SFI1: variants seen among roughly 807,000 people sequenced by gnomAD.
The protein encoded by SFI1 is protein SFI1 homolog.
A neutral mutation model predicts 207.5 loss-of-function variants in SFI1; 195 were observed. That is an observed-to-expected ratio of 0.94 (90% CI 0.84 to 1.06). The LOEUF (loss-of-function observed/expected upper bound fraction) is 1.06. Ranked by LOEUF, SFI1 falls within the 50% of genes least tolerant of loss-of-function variation. The pLI, the probability that SFI1 is intolerant of heterozygous loss-of-function variation, is 0.00. For missense variants in SFI1, 1,634 were observed against 1,588.0 expected (o/e 1.03, Z -0.49); for synonymous variants, 630 against 598.9 (o/e 1.05, Z -0.76).
chr22:31,612,383 A>AGG lies in SFI1; in HGVS notation c.2490+543_2490+544insGG, dbSNP rs1569462015. 4.3e-3 allele frequency: 413 copies of AGG among 95,002 alleles called. 4 individuals carry two copies. Among genetic ancestry groups the AGG allele is most frequent in the Middle Eastern group, 0.017 (3 of 172 alleles). The allele number at this position is 95,002 out of a possible 1,614,324, so 5.9% of individuals were successfully genotyped here. A position where few individuals can be genotyped will look rare whatever the true frequency, so the allele number is the denominator to read the frequency against. On this transcript the variant is annotated intron_variant, in intron 24 of 32. Transcript: ENST00000400288. ...CAACAGAGCGAGACTCTGTCTAAAA[A>AGG]AAAAAAAAAAAAAAAATATATATAT... is the stretch of plus-strand genomic sequence containing the variant.
intron 15 of SFI1, 47 bp from the exon 16 acceptor site, chr22:31,602,165 A>AT (rs767118483): frequency 6.6e-7 from 1 of 1,513,154 alleles, no homozygotes; most frequent in South Asian, 1.1e-5. Flanking sequence ...GTTTGGGTTA[A>AT]TTTTTATGTT....
At chr22:31,539,028 C>T (rs143628975) in intron 4 of SFI1, among the ~76,000 whole-genome samples, 6 of 152,280 alleles carry the variant, frequency 3.9e-5, no homozygotes, top group African/African-American at 9.6e-5. Flanking sequence ...TCCATCCTTC[C>T]AAGTGCTCAG....
intron 24 of SFI1, 32 bp from the exon 25 acceptor site, chr22:31,613,110 A>G (rs1052020829): frequency 1.9e-6 from 3 of 1,609,474 alleles, no homozygotes; most frequent in Non-Finnish European, 2.5e-6. Flanking sequence ...TGAAGGGGCT[A>G]TAGGGAAATG....
intron 22 of SFI1, among the ~76,000 whole-genome samples, chr22:31,609,240 C>G (rs1012170533): frequency 6.6e-6 from 1 of 152,084 alleles, no homozygotes; most frequent in Non-Finnish European, 1.5e-5. Flanking sequence ...CCTCGTGATC[C>G]GTCCGTCTCG....
intron 17 of SFI1, among the ~76,000 whole-genome samples, chr22:31,603,150 A>G (rs1293519026): frequency 6.6e-6 from 1 of 152,202 alleles, no homozygotes; most frequent in African/African-American, 2.4e-5. Flanking sequence ...GGAAATTGGC[A>G]TGAACCCGGG....
At position 31,550,289 on chromosome 22, in the gene SFI1, A is replaced by G. The variant is rs745405505; in HGVS notation, c.485A>G (p.Lys162Arg). Residue 162 changes from lysine to arginine, a missense_variant, in exon 6 of 33, where the codon AAG becomes AGG. By Grantham distance (26) the Lys-to-Arg change is conservative (BLOSUM62 2). Transcript: ENST00000400288. ...TACAACCTGATGTTCCAGACGTGGA[A>G]GACCTATGTGCGTCAGCAGCAGGAG... ...YLYNLMFQTW[K>R]TYVRQQQEMR... 3.7e-5 allele frequency: 60 copies of G among 1,614,054 alleles called. 1 individual carries two copies. The highest frequency in any genetic ancestry group is 5.0e-5 in the Non-Finnish European group (59 of 1,180,024).
chr22:31,618,173 C>A lies in SFI1; in HGVS notation c.3571C>A (p.Pro1191Thr), dbSNP rs1483362077. ...GTGGCTGGAGCTGAACAGAGAGGAG[C>A]CGGGGCCTGAGGACCAGGAAGTAGA... ...RRWLELNREE[P>T]GPEDQEVEQQ... The change falls in exon 32 of 33, where the codon CCG becomes ACG. Residue 1191 changes from proline to threonine, a missense_variant. Coordinates refer to ENST00000400288, the MANE Select transcript of SFI1 (RefSeq NM_001007467.3). 6.3e-7 allele frequency: 1 copy of A among 1,594,666 alleles called. No homozygotes were observed. Among genetic ancestry groups the A allele is most frequent in the Non-Finnish European group, 8.5e-7 (1 of 1,172,722 alleles).
At chr22:31,531,739 C>T (rs1307957529) in intron 4 of SFI1, among the ~76,000 whole-genome samples, 2 of 152,118 alleles carry the variant, frequency 1.3e-5, no homozygotes, top group East Asian at 3.9e-4. Flanking sequence ...ACTAAAAATA[C>T]AAAATTAGCC....
At chr22:31,542,226 G>A (rs570313984) in intron 4 of SFI1, among the ~76,000 whole-genome samples, 2 of 150,534 alleles carry the variant, frequency 1.3e-5, no homozygotes, top group South Asian at 4.2e-4. Context: ...GGCTTTTAAT[G>A]TGTATGATGT....
rs1261997344 is a variant in SFI1 at position 31,602,218 on chromosome 22, A to G, written c.1551A>G (p.Thr517=). ...SARATRFHRE[T]LEKQVFSLWR... ...ATTCTTCCTTGTTTTTTAGGGAGAC[A>G]TTAGAGAAGCAAGTATTTTCTCTCT... Residue 517 remains threonine, a synonymous_variant, in exon 16 of 33, where the codon ACA becomes ACG. Transcript: ENST00000400288. 2 of 1,613,614 alleles carry G rather than the reference A, an allele frequency of 1.2e-6. No homozygotes were observed. Among genetic ancestry groups the G allele is most frequent in the South Asian group, 1.1e-5 (1 of 91,078 alleles).
chr22:31,578,591 T>C, intron 11 of SFI1, 139 bp downstream of exon 11: 1 of 647,528 alleles, frequency 1.5e-6, no homozygotes, highest in Non-Finnish European at 2.6e-6. Flanking sequence ...CTCCTTTCAT[T>C]GTGGGTGTCC....
intron 2 of SFI1, among the ~76,000 whole-genome samples, chr22:31,511,608 C>T (rs1056118624): frequency 6.6e-6 from 1 of 151,740 alleles, no homozygotes; most frequent in Non-Finnish European, 1.5e-5. Flanking sequence ...AAATACCCTG[C>T]TGCTTTAGGC....
intron 8 of SFI1, among the ~76,000 whole-genome samples, chr22:31,568,642 A>T (rs2062649220): frequency 6.6e-6 from 1 of 151,668 alleles, no homozygotes; most frequent in Admixed American, 6.6e-5. Context: ...AATAGGAACC[A>T]GGGCTTTTTA....
At chr22:31,575,472 G>A (rs1037789311) in intron 10 of SFI1, 80 bp downstream of exon 10, 61 of 1,378,046 alleles carry the variant, frequency 4.4e-5, no homozygotes, top group Non-Finnish European at 5.4e-5. Context: ...CGAAAGTCAT[G>A]AGATACATGG....
chr22:31,534,150 G>A lies in SFI1; in HGVS notation c.338+3021G>A, dbSNP rs191069051. Among the ~76,000 whole-genome samples, 14 of 151,954 alleles carry A rather than the reference G, an allele frequency of 9.2e-5. No individual in the cohort carries two copies. In the East Asian group the frequency reaches 2.1e-3, roughly 23 times the overall value. ...ATTTTATTTTTTGAGACAGAGTCTC[G>A]CTCTGTCGCTCAGGCTGCAGTGCAG... On this transcript the variant is annotated intron_variant, in intron 4 of 32. Transcript: ENST00000400288.
At chr22:31,559,936 A>G in intron 7 of SFI1, 1 of 562,252 alleles carries the variant, frequency 1.8e-6, no homozygotes, top group South Asian at 1.8e-5. Flanking sequence ...CCAAGAAGAA[A>G]TAAGTCTGCA....
intron 2 of SFI1, among the ~76,000 whole-genome samples, chr22:31,514,142 A>G (rs1199311805): frequency 8.3e-6 from 1 of 121,060 alleles, no homozygotes; most frequent in African/African-American, 3.3e-5. Context: ...CTCCATCTCA[A>G]AAAAAAAAAA....
At chr22:31,512,318 G>A (rs929613520) in intron 2 of SFI1, among the ~76,000 whole-genome samples, 2 of 148,588 alleles carry the variant, frequency 1.3e-5, no homozygotes, top group Non-Finnish European at 3.0e-5. Flanking sequence ...TTGTGCCATT[G>A]CACTCCAGCC....
At chr22:31,596,275 C>CTA (rs2067099397) in intron 15 of SFI1, among the ~76,000 whole-genome samples, 1 of 151,772 alleles carries the variant, frequency 6.6e-6, no homozygotes, top group South Asian at 2.1e-4. Context: ...CTCTCTCTCT[C>CTA]TCTATCTATC....
Sources: allele counts gnomAD v4.1 joint callset (sites outside exome capture counted in the v4.1 genomes callset), GRCh38; gene constraint gnomAD v4.1.1; transcripts MANE v1.5; gene names NCBI Gene and HGNC (gene_info 2026-07-23, HGNC 2026-07-21).